Variants in RBM38 observed in about 807,000 individuals in gnomAD.
The protein encoded by RBM38 is RNA binding motif protein 38.
In RBM38, 11 loss-of-function variants were observed where a neutral mutation model predicts 23.5. That is an observed-to-expected ratio of 0.47 (90% CI 0.29 to 0.77). RBM38 has a LOEUF of 0.77. Among genes scored for constraint, RBM38 ranks in the 30% least tolerant of loss-of-function variants. The pLI, the probability that RBM38 is intolerant of heterozygous loss-of-function variation, is 0.08. For synonymous variants in RBM38, 165 were observed against 166.1 expected (o/e 0.99, Z 0.05); for missense variants, 330 against 351.9 (o/e 0.94, Z 0.50).
chr20:57,404,714 A>G (rs1285022607), intron 3 of RBM38, among the ~76,000 whole-genome samples: 2 of 152,262 alleles, frequency 1.3e-5, no homozygotes, highest in African/African-American at 4.8e-5. Flanking sequence ...CTGGGAGTCC[A>G]GACAGAGCCA....
Position 57,407,762 on chromosome 20 carries a change from C to G in RBM38, c.636C>G (p.Pro212=). 1 of 1,609,810 alleles carries G rather than the reference C, an allele frequency of 6.2e-7. No homozygotes were observed. Among genetic ancestry groups the G allele is most frequent in the Non-Finnish European group, 8.5e-7 (1 of 1,179,152 alleles). The stretch of plus-strand genomic sequence containing the variant: ...GCTACAGCTACCCTGCCGCCGTGCC[C>G]CAGGCCCTCTCAGCCGCAGCACCCG... The part of the protein sequence containing the change: ...FVGYSYPAAV[P]QALSAAAPAG... The change falls in exon 4 of 4, where the codon CCC becomes CCG. Residue 212 remains proline, a synonymous_variant. Coordinates refer to ENST00000356208, the MANE Select transcript of RBM38 (RefSeq NM_017495.6). This position sits in a 1 kb window ranked among gnomAD's most constrained non-coding sequence, Gnocchi z 4.0.
chr20:57,407,948 G>T lies in RBM38; in HGVS notation c.*102G>T. 7.1e-7 allele frequency: 1 copy of T among 1,413,066 alleles called. No individual in the cohort carries two copies. Among genetic ancestry groups the T allele is most frequent in the Non-Finnish European group, 9.4e-7 (1 of 1,059,358 alleles). The allele number at this position is 1,413,066 out of a possible 1,614,324, so 87.5% of individuals were successfully genotyped here. ...GACAGCCCGGCTGAGCTTCAGTGAG[G>T]TGCCACCAGCACCCGTGCCTCCGAA... On this transcript the variant is annotated 3_prime_UTR_variant, in exon 4 of 4. Coordinates refer to ENST00000356208, the MANE Select transcript of RBM38 (RefSeq NM_017495.6). The surrounding 1 kb of genome is among the most constrained non-coding windows in gnomAD (Gnocchi z 4.0).
intron 3 of RBM38, among the ~76,000 whole-genome samples, chr20:57,396,244 T>C (rs1486269410): frequency 6.6e-6 from 1 of 152,254 alleles, no homozygotes; most frequent in Non-Finnish European, 1.5e-5. Context: ...TAACTGTATG[T>C]GGCCACTGTC....
chr20:57,400,591 C>T (rs1273850868), intron 3 of RBM38, among the ~76,000 whole-genome samples: 1 of 152,234 alleles, frequency 6.6e-6, no homozygotes, highest in East Asian at 1.9e-4. Flanking sequence ...AGCTAGGTGC[C>T]TGTGCCCAGT....
intron 3 of RBM38, among the ~76,000 whole-genome samples, chr20:57,397,038 G>T (rs1280675348): frequency 1.3e-5 from 2 of 152,204 alleles, no homozygotes; most frequent in African/African-American, 4.8e-5. Flanking sequence ...ACTCCGGAGT[G>T]TCAGGTACAG....
intron 3 of RBM38, among the ~76,000 whole-genome samples, chr20:57,397,426 AAGGCCTCG>A (rs1162910256): frequency 6.6e-6 from 1 of 152,218 alleles, no homozygotes; most frequent in African/African-American, 2.4e-5. Flanking sequence ...TTCAGAGCAC[AAGGCCTCG>A]AGACTGATGA....
Position 57,398,249 on chromosome 20 carries a change from C to CGTGT in RBM38, c.416+4939_416+4942dup, listed in dbSNP as rs3067272. Among the ~76,000 whole-genome samples the CGTGT allele has an allele frequency of 1.9e-3, 276 of 149,110 alleles. 2 individuals are homozygous for CGTGT. The East Asian group carries it at 0.025, about 13-fold the overall frequency. Reference sequence around the variant, plus strand: ...CAGAGGAGCTGTTTGCAGGTGATGGCGTGTGTGTGTGTGTGTGTGTGTGTG... The same window carrying CGTGT: ...CAGAGGAGCTGTTTGCAGGTGATGGCGTGTGTGTGTGTGTGTGTGTGTGTGTGTG... On this transcript the variant is annotated intron_variant, in intron 3 of 3. Transcript: ENST00000356208.
chr20:57,402,846 C>T (rs1463712358), intron 3 of RBM38, among the ~76,000 whole-genome samples: 2 of 152,258 alleles, frequency 1.3e-5, no homozygotes, highest in African/African-American at 4.8e-5. Flanking sequence ...CTCTTTGCTC[C>T]CACCTGCCTT....
chr20:57,395,279 G>T (rs1328850108), intron 3 of RBM38, among the ~76,000 whole-genome samples: 1 of 151,982 alleles, frequency 6.6e-6, no homozygotes, highest in African/African-American at 2.4e-5. Context: ...AGACGTCCGG[G>T]AGGAGATTGG....
At chr20:57,396,085 T>G (rs2067272333) in intron 3 of RBM38, among the ~76,000 whole-genome samples, 1 of 152,276 alleles carries the variant, frequency 6.6e-6, no homozygotes, top group African/African-American at 2.4e-5. Flanking sequence ...TGGAATCTTC[T>G]TCGCCTGGCT....
At chr20:57,405,898 G>A (rs774620518) in intron 3 of RBM38, among the ~76,000 whole-genome samples, 2 of 152,224 alleles carry the variant, frequency 1.3e-5, no homozygotes, top group African/African-American at 2.4e-5. Flanking sequence ...TTGCCAAACC[G>A]CGCTCCAGAA....
intron 3 of RBM38, among the ~76,000 whole-genome samples, chr20:57,401,642 T>C (rs2067329159): frequency 1.3e-5 from 2 of 152,282 alleles, no homozygotes; most frequent in Admixed American, 1.3e-4. Flanking sequence ...ATGAAGGGGC[T>C]TCCGATCATA....
At chr20:57,392,837 T>C (rs1306402628) in intron 2 of RBM38, 60 bp downstream of exon 2, 1 of 1,582,340 alleles carries the variant, frequency 6.3e-7, no homozygotes. Flanking sequence ...TGTCGGTATC[T>C]GTCGGGTGGA....
chr20:57,405,487 C>T (rs1198952381), intron 3 of RBM38, among the ~76,000 whole-genome samples: 1 of 152,230 alleles, frequency 6.6e-6, no homozygotes, highest in African/African-American at 2.4e-5. Context: ...TGGACAGATG[C>T]TGTGGAGGGT....
At chr20:57,405,909 A>G (rs923237565) in intron 3 of RBM38, among the ~76,000 whole-genome samples, 16 of 152,214 alleles carry the variant, frequency 1.1e-4, no homozygotes, top group African/African-American at 3.6e-4. Context: ...CGCTCCAGAA[A>G]GCTGCCCAGT....
At chr20:57,399,823 C>G in intron 3 of RBM38, 1 of 453,386 alleles carries the variant, frequency 2.2e-6, no homozygotes, top group Non-Finnish European at 4.4e-6. Context: ...AGGCGGGAGT[C>G]AGAACCCTAA....
chr20:57,393,165 A>G, intron 2 of RBM38, 114 bp from the exon 3 acceptor site: 1 of 1,025,220 alleles, frequency 9.8e-7, no homozygotes, highest in Non-Finnish European at 1.5e-6. Context: ...GAGGAAGCGG[A>G]TGATCCCTTT....
chr20:57,405,751 T>C (rs1479446185), intron 3 of RBM38, among the ~76,000 whole-genome samples: 1 of 151,396 alleles, frequency 6.6e-6, no homozygotes, highest in Non-Finnish European at 1.5e-5. Flanking sequence ...GGTCCCTGGC[T>C]CTGGGGAGGG....
At position 57,401,378 on chromosome 20, in the gene RBM38, G is replaced by A. The variant is rs190795841; in HGVS notation, c.417-6165G>A. Among the ~76,000 whole-genome samples, 555 of 152,326 alleles carry A rather than the reference G, an allele frequency of 3.6e-3. 4 individuals carry two copies. Among genetic ancestry groups the A allele is most frequent in the African/African-American group, 0.012 (515 of 41,570 alleles). On this transcript the variant is annotated intron_variant, in intron 3 of 3. Transcript: ENST00000356208. Reference sequence around the variant, plus strand: ...TAGCTGTGACTTGCTGGGTGGAGCCGTGCCTGCCTGTCCCTCCAGCCTGCC... The same window carrying A: ...TAGCTGTGACTTGCTGGGTGGAGCCATGCCTGCCTGTCCCTCCAGCCTGCC...
Sources: gnomAD v4.1 joint callset for allele counts (sites outside exome capture counted in the v4.1 genomes callset) on GRCh38, gnomAD v4.1.1 for gene constraint, Gnocchi (gnomAD v3.1) non-coding constraint, MANE v1.5 for transcripts, NCBI Gene and HGNC (gene_info 2026-07-23, HGNC 2026-07-21) for gene names.